Variants in RANBP2 observed in about 807,000 individuals in gnomAD.
RANBP2 encodes the protein RAN binding protein 2.
A neutral mutation model predicts 303.6 loss-of-function variants in RANBP2; 57 were observed. The ratio of observed to expected loss-of-function variants is 0.19; its 90% CI spans 0.15 to 0.23. RANBP2 has a LOEUF of 0.23. Among genes scored for constraint, RANBP2 ranks in the 10% least tolerant of loss-of-function variants. The pLI is 1.00. For missense variants in RANBP2, 3,138 were observed against 3,780.8 expected (o/e 0.83, Z 4.46); for synonymous variants, 1,167 against 1,301.5 (o/e 0.90, Z 2.23).
chr2:109,524,842 A>C, the RANBP2 span, among the ~76,000 whole-genome samples: 2 of 152,128 alleles, frequency 1.3e-5, no homozygotes, highest in African/African-American at 4.8e-5. Flanking sequence ...AGAAAGTCCT[A>C]ATTATAGAAT....
chr2:109,180,963 C>G, the RANBP2 span, among the ~76,000 whole-genome samples: 3 of 152,192 alleles, frequency 2.0e-5, no homozygotes, highest in African/African-American at 7.2e-5. Context: ...TATGTTTACC[C>G]TGATGCAAGC....
chr2:108,741,683 G>C (rs763746842), intron 7 of RANBP2, among the ~76,000 whole-genome samples: 1 of 144,406 alleles, frequency 6.9e-6, no homozygotes, highest in Non-Finnish European at 1.5e-5. Flanking sequence ...TTTTTTTTTT[G>C]TACTTTTAGT....
At chr2:108,862,565 A>G in the RANBP2 span, among the ~76,000 whole-genome samples, 1 of 152,250 alleles carries the variant, frequency 6.6e-6, no homozygotes, top group African/African-American at 2.4e-5. Context: ...TATCACCACA[A>G]CAAAGCAAAT....
At chr2:109,177,403 A>G in the RANBP2 span, among the ~76,000 whole-genome samples, 9 of 152,170 alleles carry the variant, frequency 5.9e-5, no homozygotes, top group African/African-American at 2.2e-4. Flanking sequence ...GTTGGACATG[A>G]AATAGTCTGG....
the RANBP2 span, among the ~76,000 whole-genome samples, chr2:109,123,950 C>T: frequency 6.6e-6 from 1 of 152,066 alleles, no homozygotes; most frequent in Non-Finnish European, 1.5e-5. Flanking sequence ...TAGCACTGGA[C>T]TCTCTACTCC....
the RANBP2 span, among the ~76,000 whole-genome samples, chr2:109,391,765 T>C: frequency 6.6e-6 from 1 of 152,198 alleles, no homozygotes; most frequent in Admixed American, 6.5e-5. Flanking sequence ...TTGGTAACTA[T>C]AGCTGGCATC....
chr2:109,649,232 T>C, the RANBP2 span, among the ~76,000 whole-genome samples: 1 of 151,666 alleles, frequency 6.6e-6, no homozygotes, highest in Non-Finnish European at 1.5e-5. Flanking sequence ...AACTGAAAAA[T>C]TGATTGCAAA....
intron 28 of RANBP2, 94 bp from the exon 29 acceptor site, chr2:108,783,502 A>T: frequency 1.2e-6 from 1 of 847,450 alleles, no homozygotes; most frequent in Non-Finnish European, 1.8e-6. Context: ...TTTAACATGT[A>T]GTGATGAGTT....
the RANBP2 span, among the ~76,000 whole-genome samples, chr2:109,353,098 C>G: frequency 1.3e-5 from 2 of 152,240 alleles, no homozygotes; most frequent in Admixed American, 6.5e-5. Flanking sequence ...TGCTCAGAGT[C>G]CTCAGTGGCT....
chr2:109,131,512 C>T, the RANBP2 span, among the ~76,000 whole-genome samples: 1 of 152,072 alleles, frequency 6.6e-6, no homozygotes, highest in Non-Finnish European at 1.5e-5. Flanking sequence ...ATATTCGGAG[C>T]CCCGCTTCTA....
the RANBP2 span, chr2:109,129,283 CCCGCAG>C: frequency 7.6e-6 from 5 of 660,636 alleles, no homozygotes; most frequent in South Asian, 6.7e-5. Flanking sequence ...ACAGGTGTAG[CCCGCAG>C]CCGCAGGCGC....
the RANBP2 span, among the ~76,000 whole-genome samples, chr2:109,079,291 C>A: frequency 6.6e-6 from 1 of 152,090 alleles, no homozygotes; most frequent in South Asian, 2.1e-4. Flanking sequence ...CCCTAACTTA[C>A]TTTGTTGTAA....
At chr2:108,894,328 C>CTT in the RANBP2 span, 2 of 152,466 alleles carry the variant, frequency 1.3e-5, no homozygotes, top group African/African-American at 4.8e-5. Context: ...ATTTTAGGCA[C>CTT]TTTGTTTATA....
At chr2:109,171,775 A>G in the RANBP2 span, among the ~76,000 whole-genome samples, 125,168 of 152,298 alleles carry the variant, frequency 0.82, 51,576 homozygotes, top group East Asian at 0.89. Context: ...CCTGCCGTGC[A>G]TCCCGGCCAC....
At chr2:108,853,933 T>TATA in the RANBP2 span, among the ~76,000 whole-genome samples, 4 of 123,830 alleles carry the variant, frequency 3.2e-5, no homozygotes, top group African/African-American at 1.2e-4. Flanking sequence ...TTATATATAA[T>TATA]TTATATATAA....
the RANBP2 span, chr2:109,371,669 C>T: frequency 1.2e-5 from 19 of 1,613,670 alleles, no homozygotes; most frequent in Non-Finnish European, 1.6e-5. Context: ...TCTTCCCGCT[C>T]CTGTACGTGG....
chr2:109,364,431 C>T, the RANBP2 span, among the ~76,000 whole-genome samples: 1 of 152,168 alleles, frequency 6.6e-6, no homozygotes, highest in African/African-American at 2.4e-5. Context: ...GTTTTGTATC[C>T]GTGATCTTTT....
chr2:109,491,914 C>A, the RANBP2 span, among the ~76,000 whole-genome samples: 2 of 152,226 alleles, frequency 1.3e-5, no homozygotes. Flanking sequence ...CTCCCAGACG[C>A]CATTCCCAGT....
At chr2:109,633,553 C>T in the RANBP2 span, among the ~76,000 whole-genome samples, 1 of 152,134 alleles carries the variant, frequency 6.6e-6, no homozygotes, top group Non-Finnish European at 1.5e-5. Context: ...ATCATCAGTG[C>T]TTGGGTGGCA....
Sources: gnomAD v4.1 joint callset for allele counts (sites outside exome capture counted in the v4.1 genomes callset) on GRCh38, gnomAD v4.1.1 for gene constraint, MANE v1.5 for transcripts, NCBI Gene and HGNC (gene_info 2026-07-23, HGNC 2026-07-21) for gene names.